AP2B1: variants seen among roughly 807,000 people sequenced by gnomAD.
AP2B1 encodes the protein adaptor related protein complex 2 subunit beta 1.
In AP2B1, 23 loss-of-function variants were observed where a neutral mutation model predicts 102.0. The observed-to-expected ratio is 0.23, with a 90% confidence interval of 0.16 to 0.32. AP2B1 has a LOEUF of 0.32. Among genes scored for constraint, AP2B1 ranks in the 10% least tolerant of loss-of-function variants. AP2B1 has a pLI of 1.00. For missense variants in AP2B1, 541 were observed against 1,157.4 expected, an observed-to-expected ratio of 0.47 and a Z score of 7.73; for synonymous variants, 381 against 421.2, an observed-to-expected ratio of 0.90 and a Z score of 1.17.
intron 9 of AP2B1, among the ~76,000 whole-genome samples, chr17:35,632,342 C>G (rs994682730): frequency 6.6e-6 from 1 of 152,142 alleles, no homozygotes; most frequent in Non-Finnish European, 1.5e-5. Context: ...ACCATGTTGG[C>G]TATGCTGGTC....
intron 14 of AP2B1, among the ~76,000 whole-genome samples, chr17:35,661,618 G>C (rs570357226): frequency 2.0e-5 from 3 of 152,154 alleles, no homozygotes; most frequent in African/African-American, 7.2e-5. Context: ...AGATATGGTC[G>C]CTCAGTCCCA....
chr17:35,706,010 G>T (rs1183225083), intron 18 of AP2B1, among the ~76,000 whole-genome samples: 1 of 152,154 alleles, frequency 6.6e-6, no homozygotes, highest in African/African-American at 2.4e-5. Context: ...TTGAAATCAG[G>T]TGTTCTGGCT....
intron 3 of AP2B1, among the ~76,000 whole-genome samples, chr17:35,604,586 C>T (rs1238369071): frequency 1.4e-5 from 2 of 146,746 alleles, no homozygotes; most frequent in Admixed American, 1.4e-4. Flanking sequence ...GGTGAAACCC[C>T]ATCTCTACTA....
chr17:35,708,442 A>C (rs972152441), intron 18 of AP2B1, among the ~76,000 whole-genome samples: 3 of 151,952 alleles, frequency 2.0e-5, no homozygotes, highest in Admixed American at 6.5e-5. Flanking sequence ...GTAGCTTTAA[A>C]AAAAAAAAAC....
intron 21 of AP2B1, among the ~76,000 whole-genome samples, chr17:35,721,708 T>A (rs991132281): frequency 6.6e-6 from 1 of 152,288 alleles, no homozygotes; most frequent in Admixed American, 6.5e-5. Context: ...GTTGTAAACA[T>A]AAAAATGAAC....
chr17:35,709,932 G>A (rs1418489858), intron 19 of AP2B1, among the ~76,000 whole-genome samples: 1 of 152,188 alleles, frequency 6.6e-6, no homozygotes, highest in African/African-American at 2.4e-5. Flanking sequence ...CAGGACAGAT[G>A]TAATTATAGA....
At chr17:35,686,389 G>A (rs1233826575) in intron 18 of AP2B1, among the ~76,000 whole-genome samples, 4 of 152,074 alleles carry the variant, frequency 2.6e-5, no homozygotes, top group East Asian at 1.9e-4. Flanking sequence ...TTCTCATTTC[G>A]TGTGTTAGTT....
chr17:35,711,424 AACACAC>A (rs587678291), intron 20 of AP2B1, among the ~76,000 whole-genome samples: 1 of 151,048 alleles, frequency 6.6e-6, no homozygotes, highest in African/African-American at 2.4e-5. Flanking sequence ...AAAAAAAAAA[AACACAC>A]ACACACACAA....
intron 11 of AP2B1, among the ~76,000 whole-genome samples, chr17:35,640,240 T>TATTTA (rs372590594): frequency 7.2e-6 from 1 of 138,006 alleles, no homozygotes; most frequent in East Asian, 2.1e-4. Flanking sequence ...TTTTTTTTTT[T>TATTTA]TTTTTTTTTT....
intron 5 of AP2B1, 145 bp from the exon 6 acceptor site, chr17:35,624,252 T>A: frequency 1.3e-6 from 1 of 750,388 alleles, no homozygotes; most frequent in African/African-American, 1.7e-5. Context: ...TTGAAGTGAT[T>A]TATTTGTTTC....
At chr17:35,616,554 C>G (rs2074027812) in intron 5 of AP2B1, among the ~76,000 whole-genome samples, 1 of 152,224 alleles carries the variant, frequency 6.6e-6, no homozygotes, top group South Asian at 2.1e-4. Context: ...ACGCTTCAGT[C>G]AGTTTCACCT....
At position 35,608,953 on chromosome 17, in the gene AP2B1, C is replaced by T. The variant is rs1055870449; in HGVS notation, c.525+566C>T. Among the ~76,000 whole-genome samples, 55 of 152,182 alleles carry T rather than the reference C, an allele frequency of 3.6e-4. 1 individual carries two copies. The highest frequency in any genetic ancestry group is 1.3e-3 in the African/African-American group (53 of 41,514). ...GCTTATATAATGAAGAAGGTCAAGT[C>T]CCAAGTGATATGTTTGACTCCAGTA... On this transcript the variant is annotated intron_variant, in intron 5 of 21. Transcript: ENST00000610402.
intron 9 of AP2B1, among the ~76,000 whole-genome samples, chr17:35,631,439 G>A (rs945995033): frequency 3.9e-5 from 6 of 152,156 alleles, no homozygotes; most frequent in African/African-American, 1.4e-4. Flanking sequence ...GATATGCAGT[G>A]GACATAATCT....
intron 17 of AP2B1, 28 bp downstream of exon 17, chr17:35,674,349 G>A: frequency 3.1e-6 from 5 of 1,612,700 alleles, no homozygotes; most frequent in Non-Finnish European, 4.2e-6. Context: ...CTAGCTTGAT[G>A]TTGAGACAAC....
At chr17:35,721,063 G>A (rs1264425115) in intron 21 of AP2B1, among the ~76,000 whole-genome samples, 1 of 152,006 alleles carries the variant, frequency 6.6e-6, no homozygotes, top group Non-Finnish European at 1.5e-5. Flanking sequence ...AAGAAATCGG[G>A]TTGAGCCAGC....
intron 5 of AP2B1, among the ~76,000 whole-genome samples, chr17:35,616,762 G>C (rs72828059): frequency 0.13 from 20,396 of 152,152 alleles, 1,395 homozygotes; most frequent in Middle Eastern, 0.17. Context: ...TTTGAAGGTA[G>C]CTCGAAAACA....
intron 10 of AP2B1, among the ~76,000 whole-genome samples, chr17:35,637,089 A>G (rs2074628412): frequency 6.6e-6 from 1 of 152,230 alleles, no homozygotes; most frequent in Non-Finnish European, 1.5e-5. Context: ...TACTTTTTAG[A>G]TTTGATTTTT....
At chr17:35,687,563 T>C (rs200415482) in intron 18 of AP2B1, among the ~76,000 whole-genome samples, 1 of 151,518 alleles carries the variant, frequency 6.6e-6, no homozygotes, top group Non-Finnish European at 1.5e-5. Flanking sequence ...TTTTTTTTTT[T>C]AAGAGATAAA....
intron 20 of AP2B1, among the ~76,000 whole-genome samples, chr17:35,713,594 C>G (rs1159173036): frequency 6.6e-6 from 1 of 152,154 alleles, no homozygotes; most frequent in Non-Finnish European, 1.5e-5. Context: ...ACAATAGCAC[C>G]AACACTTTAA....
Sources: gnomAD v4.1 joint callset for allele counts (sites outside exome capture counted in the v4.1 genomes callset) on GRCh38, gnomAD v4.1.1 for gene constraint, MANE v1.5 for transcripts, NCBI Gene and HGNC (gene_info 2026-07-23, HGNC 2026-07-21) for gene names.